The following PDE4D variants were observed in gnomAD, a reference collection of about 807,000 sequenced individuals.
PDE4D encodes 3',5'-cyclic-AMP phosphodiesterase 4D.
A neutral mutation model predicts 87.4 loss-of-function variants in PDE4D; 24 were observed. That is an observed-to-expected ratio of 0.27 (90% CI 0.20 to 0.39). PDE4D has a LOEUF of 0.39. Among genes scored for constraint, PDE4D ranks in the 10% least tolerant of loss-of-function variants. The pLI is 1.00. For synonymous variants in PDE4D, 384 were observed against 383.2 expected, an observed-to-expected ratio of 1.00 and a Z score of -0.02; for missense variants, 714 against 1,041.0, an observed-to-expected ratio of 0.69 and a Z score of 4.32.
At chr5:59,988,266 C>A in intron 3 of PDE4D, 1 of 458,778 alleles carries the variant, frequency 2.2e-6, no homozygotes, top group East Asian at 3.2e-5. Flanking sequence ...TAGCATTCAC[C>A]AATACATTTT....
intron 1 of PDE4D, among the ~76,000 whole-genome samples, chr5:59,250,280 C>T (rs1362512118): frequency 6.7e-6 from 1 of 149,548 alleles, no homozygotes; most frequent in African/African-American, 2.5e-5. Flanking sequence ...TGTTTGAATC[C>T]AGCTTGGGCA....
chr5:60,460,445 ATGT>A, intron 1 of PDE4D: 1 of 1,486,090 alleles, frequency 6.7e-7, no homozygotes, highest in Non-Finnish European at 9.4e-7. Context: ...TGCTTGACAA[ATGT>A]TGTTACCCCA....
chr5:59,777,298 G>A lies in PDE4D; in HGVS notation c.455+115870C>T, dbSNP rs186433246. Among the ~76,000 whole-genome samples, 434 of 152,252 alleles carry A rather than the reference G, an allele frequency of 2.9e-3. 4 individuals carry two copies. Among genetic ancestry groups the A allele is most frequent in the African/African-American group, 0.01 (416 of 41,530 alleles). ...CTCTGCAATTGGTGTATCTCCAAAT[G>A]TAAAAGACATAACCTTAGCAAAGAC... On this transcript the variant is annotated intron_variant, in intron 1 of 14. Coordinates refer to ENST00000340635, the MANE Select transcript of PDE4D (RefSeq NM_001104631.2).
At chr5:59,041,700 G>T (rs1456498204) in intron 5 of PDE4D, among the ~76,000 whole-genome samples, 2 of 152,156 alleles carry the variant, frequency 1.3e-5, no homozygotes, top group Non-Finnish European at 2.9e-5. Context: ...CAAAGCCTGA[G>T]CCTCAAGTGA....
intron 1 of PDE4D, among the ~76,000 whole-genome samples, chr5:59,623,127 A>T (rs1364277851): frequency 6.6e-6 from 1 of 152,252 alleles, no homozygotes; most frequent in Non-Finnish European, 1.5e-5. Flanking sequence ...CGTTAAAATA[A>T]TAAATAATGC....
intron 1 of PDE4D, among the ~76,000 whole-genome samples, chr5:59,753,052 G>C (rs904559231): frequency 2.0e-5 from 3 of 152,136 alleles, no homozygotes; most frequent in Non-Finnish European, 4.4e-5. Context: ...GGGTTGAATA[G>C]TTGCCCCAGA....
At chr5:59,813,151 C>T (rs190738248) in intron 1 of PDE4D, among the ~76,000 whole-genome samples, 1 of 152,294 alleles carries the variant, frequency 6.6e-6, no homozygotes, top group East Asian at 1.9e-4. Flanking sequence ...ACTTGCTGTT[C>T]TGGTTAAGCA....
chr5:60,420,999 C>T (rs1056436366), intron 1 of PDE4D, among the ~76,000 whole-genome samples: 1 of 152,200 alleles, frequency 6.6e-6, no homozygotes, highest in Non-Finnish European at 1.5e-5. Flanking sequence ...TTCACCATTG[C>T]TGAGGCTTAA....
chr5:59,941,143 G>T (rs1013146114), intron 3 of PDE4D, among the ~76,000 whole-genome samples: 1 of 152,130 alleles, frequency 6.6e-6, no homozygotes, highest in South Asian at 2.1e-4. Context: ...TCACAGTCAG[G>T]TGAGTTAATT....
chr5:60,479,601 CTT>C (rs1489776096), intron 1 of PDE4D, among the ~76,000 whole-genome samples: 4 of 152,182 alleles, frequency 2.6e-5, no homozygotes, highest in Non-Finnish European at 4.4e-5. Flanking sequence ...TTGGTAAACT[CTT>C]TTGTAAAAGG....
At chr5:59,345,970 A>C (rs988420310) in intron 1 of PDE4D, among the ~76,000 whole-genome samples, 6 of 152,204 alleles carry the variant, frequency 3.9e-5, no homozygotes, top group Non-Finnish European at 8.8e-5. Context: ...TGGAATACTT[A>C]ACTATCCATC....
chr5:59,737,037 C>G (rs1324808212), intron 1 of PDE4D, among the ~76,000 whole-genome samples: 1 of 152,064 alleles, frequency 6.6e-6, no homozygotes, highest in Non-Finnish European at 1.5e-5. Context: ...TATTAGGTTA[C>G]AGATGTTTTT....
At chr5:59,611,572 G>C (rs1179753922) in intron 1 of PDE4D, among the ~76,000 whole-genome samples, 1 of 152,150 alleles carries the variant, frequency 6.6e-6, no homozygotes, top group Non-Finnish European at 1.5e-5. Context: ...CTTAAGGGCA[G>C]GGTTTACATC....
chr5:60,235,313 T>C (rs1048132525), intron 1 of PDE4D, among the ~76,000 whole-genome samples: 5 of 151,802 alleles, frequency 3.3e-5, no homozygotes, highest in Non-Finnish European at 7.4e-5. Flanking sequence ...GTGACCCCAT[T>C]ATGAAATCCA....
intron 6 of PDE4D, among the ~76,000 whole-genome samples, chr5:59,023,732 G>A (rs1755671161): frequency 6.6e-6 from 1 of 152,170 alleles, no homozygotes; most frequent in African/African-American, 2.4e-5. Context: ...TTTAAGGTTT[G>A]AGGTATGAGA....
At chr5:59,301,522 C>CA (rs1770247255) in intron 1 of PDE4D, among the ~76,000 whole-genome samples, 1 of 152,072 alleles carries the variant, frequency 6.6e-6, no homozygotes. Context: ...AGAATTTCTG[C>CA]CTTTTTTCCT....
chr5:59,536,882 AGTTTT>A (rs1815371289), intron 1 of PDE4D, among the ~76,000 whole-genome samples: 6 of 152,232 alleles, frequency 3.9e-5, no homozygotes, highest in Non-Finnish European at 8.8e-5. Context: ...ATAAGACTTC[AGTTTT>A]AAATATAATA....
At chr5:59,282,498 C>T (rs1249791818) in intron 1 of PDE4D, among the ~76,000 whole-genome samples, 1 of 151,706 alleles carries the variant, frequency 6.6e-6, no homozygotes, top group Admixed American at 6.6e-5. Flanking sequence ...CAAAACTTAG[C>T]TGGGTGTGGT....
chr5:59,173,504 A>AT (rs1783345030), intron 5 of PDE4D, among the ~76,000 whole-genome samples: 1 of 152,210 alleles, frequency 6.6e-6, no homozygotes, highest in Admixed American at 6.5e-5. Flanking sequence ...TTCAATGAGG[A>AT]TTTTTGTAAA....
Sources: allele counts gnomAD v4.1 joint callset (sites outside exome capture counted in the v4.1 genomes callset), GRCh38; gene constraint gnomAD v4.1.1; transcripts MANE v1.5; gene names NCBI Gene and HGNC (gene_info 2026-07-23, HGNC 2026-07-21).